BAIAP2: variants seen among roughly 807,000 people sequenced by gnomAD.
BAIAP2 encodes BAR/IMD domain containing adaptor protein 2, also known as BAR/IMD domain-containing adapter protein 2.
A neutral mutation model predicts 63.0 loss-of-function variants in BAIAP2; 18 were observed. The ratio of observed to expected loss-of-function variants is 0.29; its 90% CI spans 0.20 to 0.42. BAIAP2 has a LOEUF of 0.42. Ranked by LOEUF, BAIAP2 falls within the 10% of genes least tolerant of loss-of-function variation. BAIAP2 has a pLI of 1.00. For missense variants in BAIAP2, 610 were observed against 734.3 expected (o/e 0.83, Z 1.96); for synonymous variants, 386 against 307.6 (o/e 1.25, Z -2.67).
chr17:81,076,239 C>T (rs770135813), intron 3 of BAIAP2: 2 of 152,246 alleles, frequency 1.3e-5, no homozygotes, highest in African/African-American at 2.4e-5. Flanking sequence ...TTAACTCATT[C>T]TTGCTTTATC....
rs1290240436 is a variant in BAIAP2, at chr17:81,103,571, G to GA, written c.713dup (p.Arg239AlafsTer77). 6.2e-7 allele frequency: 1 copy of GA among 1,602,540 alleles called. No homozygotes were observed. Among genetic ancestry groups the GA allele is most frequent in the Non-Finnish European group, 8.5e-7 (1 of 1,179,198 alleles). On this transcript the variant is annotated frameshift_variant, in exon 8 of 14. Coordinates refer to ENST00000428708, the MANE Select transcript of BAIAP2 (RefSeq NM_001144888.2). LOFTEE classifies it high-confidence loss of function. ...CTGTGCCGACCCCAGCAAGATCCCG[G>GA]AGCGCGCGGTGCAGCTCATGCAGCA...
intron 3 of BAIAP2, among the ~76,000 whole-genome samples, chr17:81,060,102 G>T (rs541381520): frequency 1.3e-5 from 2 of 152,158 alleles, no homozygotes; most frequent in Non-Finnish European, 2.9e-5. Context: ...GTGGAGCCCC[G>T]CTGTGTGCAT....
In BAIAP2 at chr17:81,046,616, C is replaced by T. The variant is rs1201437109; in HGVS notation, c.55-7052C>T. Reference sequence around the variant, plus strand: ...CCGATGCTCTCTGCCCACAGAAGTCCCCCAACCCCCCTGGCAGCCAAGGGA... The same window carrying T: ...CCGATGCTCTCTGCCCACAGAAGTCTCCCAACCCCCCTGGCAGCCAAGGGA... On this transcript the variant is annotated intron_variant, in intron 1 of 13. Transcript: ENST00000428708. The surrounding 1 kb of genome is among the most constrained non-coding windows in gnomAD (Gnocchi z 4.5). Among the ~76,000 whole-genome samples the T allele has an allele frequency of 6.6e-6, 1 of 152,080 alleles. No homozygotes were observed. The highest frequency in any genetic ancestry group is 2.4e-5 in the African/African-American group (1 of 41,396).
At chr17:81,108,937 C>T (rs1345999656) in intron 13 of BAIAP2, 2 of 1,542,016 alleles carry the variant, frequency 1.3e-6, no homozygotes, top group Non-Finnish European at 1.7e-6. Flanking sequence ...CGTCGTGCAG[C>T]CAGGCAGCCG....
At chr17:81,080,670 G>A (rs993321842) in intron 3 of BAIAP2, among the ~76,000 whole-genome samples, 2 of 152,172 alleles carry the variant, frequency 1.3e-5, no homozygotes, top group African/African-American at 4.8e-5. Context: ...GCCTTTTAGG[G>A]GAACACGTGC....
At chr17:81,104,245 T>C in intron 9 of BAIAP2, 137 bp downstream of exon 9, 2 of 1,001,208 alleles carry the variant, frequency 2.0e-6, no homozygotes, top group Non-Finnish European at 3.0e-6. Context: ...CCTACATGCA[T>C]GTGGTACACA....
intron 6 of BAIAP2, among the ~76,000 whole-genome samples, chr17:81,091,516 C>T (rs1484768460): frequency 2.0e-5 from 3 of 152,204 alleles, no homozygotes; most frequent in African/African-American, 4.8e-5. Flanking sequence ...TGCCTGCCCC[C>T]AGCTCTTCTA....
At chr17:81,053,781 C>T (rs1425691342) in intron 2 of BAIAP2, 38 bp downstream of exon 2, 1 of 1,605,310 alleles carries the variant, frequency 6.2e-7, no homozygotes, top group Middle Eastern at 1.7e-4. Flanking sequence ...TGGGAGCTGC[C>T]TCCTGAGCTG....
Position 81,053,749 on chromosome 17 carries a change from A to G in BAIAP2, c.130+6A>G. ...TTACGAGAAGGCACTGGCAGGTGGA[A>G]CTGCGCCCGGGCCCCGTGGGGTGGG... On this transcript the variant is annotated splice_donor_region_variant and intron_variant, in intron 2 of 13. Coordinates refer to ENST00000428708, the MANE Select transcript of BAIAP2 (RefSeq NM_001144888.2). The G allele has an allele frequency of 6.2e-7, 1 of 1,613,838 alleles. No individual in the cohort carries two copies. The highest frequency in any genetic ancestry group is 8.5e-7 in the Non-Finnish European group (1 of 1,179,920).
chr17:81,109,003 G>T (rs1328660970), intron 13 of BAIAP2: 9 of 1,546,028 alleles, frequency 5.8e-6, no homozygotes, highest in African/African-American at 1.4e-5. Context: ...GTGTGAGGAC[G>T]CTGACCCCGG....
chr17:81,095,185 C>T (rs934669307), intron 6 of BAIAP2, among the ~76,000 whole-genome samples: 3 of 151,254 alleles, frequency 2.0e-5, no homozygotes, highest in Admixed American at 6.6e-5. Flanking sequence ...CAGCGGCGGG[C>T]GGGGACTGGA....
chr17:81,063,577 C>T (rs1166686785), intron 3 of BAIAP2, among the ~76,000 whole-genome samples: 1 of 152,174 alleles, frequency 6.6e-6, no homozygotes, highest in Non-Finnish European at 1.5e-5. Flanking sequence ...AGGCGTTCGT[C>T]TCACTCCCCA....
At chr17:81,111,456 C>A (rs980596630) in intron 13 of BAIAP2, among the ~76,000 whole-genome samples, 2 of 152,192 alleles carry the variant, frequency 1.3e-5, no homozygotes, top group South Asian at 2.1e-4. Context: ...AGGTGTTGGG[C>A]CCACTGGGGA....
chr17:81,057,969 T>TGCGGGGGGGGG lies in BAIAP2; in HGVS notation c.217+3_217+4insCGGGGGGGGGG. 1.3e-5 allele frequency: 13 copies of TGCGGGGGGGGG among 964,834 alleles called. No individual in the cohort carries two copies. Among genetic ancestry groups the TGCGGGGGGGGG allele is most frequent in the Admixed American group, 3.2e-5 (1 of 31,374 alleles). The allele number at this position is 964,834 out of a possible 1,614,324, so 59.8% of individuals were successfully genotyped here. On this transcript the variant is annotated splice_region_variant and intron_variant, in intron 3 of 13. Transcript: ENST00000428708. ...AGAGCCAGGGCTCCAAAGAACTCGG[T>TGCGGGGGGGGG]GAGACCCCCCCCCCCCCCCCGCCTG... is the stretch of plus-strand genomic sequence containing the variant.
At position 81,084,716 on chromosome 17, in the gene BAIAP2, C is replaced by T. The variant is rs375637216; in HGVS notation, c.218-116C>T. 5.3e-3 allele frequency: 5,038 copies of T among 954,852 alleles called. 73 individuals carry two copies. Among genetic ancestry groups the T allele is most frequent in the South Asian group, 0.032 (2,474 of 76,260 alleles). 59.1% of individuals were successfully genotyped at this position (954,852 alleles called of 1,614,324 possible). On this transcript the variant is annotated intron_variant, in intron 3 of 13. Transcript: ENST00000428708. ...CCTTCTGGCCCTGACACCCCGGGGG[C>T]CCTGCTGCCTGTGGTCACAGGGCTT...
chr17:81,081,780 C>T (rs80220977), intron 3 of BAIAP2, among the ~76,000 whole-genome samples: 2,772 of 152,252 alleles, frequency 0.018, 101 homozygotes, highest in African/African-American at 0.062. Flanking sequence ...TCATCCCGAC[C>T]GTGAGAGGCC....
At chr17:81,038,974 A>G (rs940929429) in intron 1 of BAIAP2, among the ~76,000 whole-genome samples, 3 of 152,138 alleles carry the variant, frequency 2.0e-5, no homozygotes, top group Non-Finnish European at 4.4e-5. Flanking sequence ...GCGCGTGTAC[A>G]TGTGTATGTG....
At chr17:81,066,553 C>T (rs2051500336) in intron 3 of BAIAP2, among the ~76,000 whole-genome samples, 2 of 152,332 alleles carry the variant, frequency 1.3e-5, no homozygotes, top group African/African-American at 4.8e-5. Context: ...AGGTGTCGGC[C>T]TCCCTCTTAG....
intron 13 of BAIAP2, 107 bp downstream of exon 13, chr17:81,108,616 C>T: frequency 7.1e-7 from 1 of 1,402,500 alleles, no homozygotes; most frequent in South Asian, 1.2e-5. Flanking sequence ...TCCTTTAGGG[C>T]CCAGCCTGGC....
Sources: allele counts gnomAD v4.1 joint callset (sites outside exome capture counted in the v4.1 genomes callset), GRCh38; gene constraint gnomAD v4.1.1; non-coding constraint Gnocchi (gnomAD v3.1); transcripts MANE v1.5; gene names NCBI Gene and HGNC (gene_info 2026-07-23, HGNC 2026-07-21).